Variants in MUC5AC observed in about 807,000 individuals in gnomAD.
MUC5AC encodes the protein mucin 5AC, oligomeric mucus/gel-forming.
MUC5AC carries 158 observed loss-of-function variants against 169.7 expected under a neutral mutation model. The observed-to-expected ratio is 0.93, with a 90% confidence interval of 0.82 to 1.06. The LOEUF is 1.06. Ranked by LOEUF, MUC5AC falls within the 50% of genes least tolerant of loss-of-function variation. MUC5AC has a pLI of 0.00. For missense variants in MUC5AC, 4,359 were observed against 3,089.9 expected, an observed-to-expected ratio of 1.41 and a Z score of -9.74; for synonymous variants, 1,975 against 1,237.0, an observed-to-expected ratio of 1.60 and a Z score of -12.52.
rs373899124 is a variant in MUC5AC at position 1,161,902 on chromosome 11, C to T, written c.212-5C>T. 23 of 1,610,042 alleles carry T rather than the reference C, an allele frequency of 1.4e-5. No homozygotes were observed. The highest frequency in any genetic ancestry group is 9.3e-5 in the African/African-American group (7 of 74,998). ...CCCCCAAACACCATGCTGCTTCCAC[C>T]GCAGCCTCCAACCCGGCGCACAACG... is the stretch of plus-strand genomic sequence containing the variant. On this transcript the variant is annotated splice_polypyrimidine_tract_variant and splice_region_variant and intron_variant, in intron 3 of 48. Coordinates refer to ENST00000621226, the MANE Select transcript of MUC5AC (RefSeq NM_001304359.2).
In MUC5AC at chr11:1,169,894, C is replaced by T. The variant is rs1246519361; in HGVS notation, c.1870+868C>T. ...CTCACCCACTCACTCACCCACTCACCGACTCAACCATTCACTCACCCATTC... is the reference window on the plus strand; with the variant it reads ...CTCACCCACTCACTCACCCACTCACTGACTCAACCATTCACTCACCCATTC... On this transcript the variant is annotated intron_variant, in intron 15 of 48. Coordinates refer to ENST00000621226, the MANE Select transcript of MUC5AC (RefSeq NM_001304359.2). 2.2e-4 allele frequency among the ~76,000 whole-genome samples: 28 copies of T among 124,518 alleles called. 1 individual carries two copies. The East Asian group carries it at 7.3e-3, about 33-fold the overall frequency. The allele number at this position is 124,518 out of a possible 152,430, so 81.7% of individuals were successfully genotyped here.
rs757532921 is a variant in MUC5AC, at chr11:1,200,595, C to T, written c.16858C>T (p.Pro5620Ser). ...EECGCMGRRC[P>S]APGDTQHSEE... is the part of the protein sequence containing the mutation. ...GTGCGGCTGCATGGGCCGGCGGTGCCCTGCGCCGGGCGACACCCAGCACTC... is the reference window on the plus strand; with the variant it reads ...GTGCGGCTGCATGGGCCGGCGGTGCTCTGCGCCGGGCGACACCCAGCACTC... The change falls in exon 49 of 49, where the codon CCT becomes TCT. Residue 5620 changes from proline (P) to serine (S), a missense_variant. Coordinates refer to ENST00000621226, the MANE Select transcript of MUC5AC (RefSeq NM_001304359.2). 1.3e-6 allele frequency: 1 copy of T among 764,506 alleles called. No individual in the cohort carries two copies. The highest frequency in any genetic ancestry group is 1.7e-5 in the Admixed American group (1 of 58,990). The allele number at this position is 764,506 out of a possible 1,614,324, so 47.4% of individuals were successfully genotyped here.
rs1433275325 is a variant in MUC5AC, at chr11:1,184,545, G to A, written c.6400G>A (p.Gly2134Arg). The change falls in exon 31 of 49, where the codon GGA becomes AGA. Residue 2134 changes from glycine to arginine, a missense_variant. Transcript: ENST00000621226. ...TWFDVDFPSP[G>R]PHGGDKETYN... is the part of the protein sequence containing the mutation. The stretch of plus-strand genomic sequence containing the variant: ...GTTCGACGTGGACTTCCCGTCCCCC[G>A]GACCCCATGGTGGAGACAAGGAAAC... 3.3e-5 allele frequency: 21 copies of A among 645,174 alleles called. No individual in the cohort carries two copies. Among genetic ancestry groups the A allele is most frequent in the African/African-American group, 1.1e-4 (6 of 55,140 alleles). The allele number at this position is 645,174 out of a possible 1,614,324, so 40.0% of individuals were successfully genotyped here. A position where few individuals can be genotyped will look rare whatever the true frequency, so the allele number is the denominator to read the frequency against.
At position 1,192,802 on chromosome 11, in the gene MUC5AC, C is replaced by T. The variant is rs753858333; in HGVS notation, c.14400C>T (p.His4800=). 1.3e-6 allele frequency: 1 copy of T among 761,610 alleles called. No individual in the cohort carries two copies. Among genetic ancestry groups the T allele is most frequent in the South Asian group, 1.3e-5 (1 of 74,538 alleles). 47.2% of individuals were successfully genotyped at this position (761,610 alleles called of 1,614,324 possible). A position where few individuals can be genotyped will look rare whatever the true frequency, so the allele number is the denominator to read the frequency against. Residue 4800 remains histidine (H), a synonymous_variant, in exon 32 of 49, where the codon CAC becomes CAT. Transcript: ENST00000621226. ...LYPAGSTIYR[H]RDLAGHCYYA... ...TTACAGGATCCACCATATACCGCCA[C>T]AGAGACCTCGCTGGCCATTGCTATT... is the stretch of plus-strand genomic sequence containing the variant.
Position 1,190,361 on chromosome 11 carries a change from G to A in MUC5AC, c.12216G>A (p.Gly4072=), listed in dbSNP as rs1202882967. The change falls in exon 31 of 49, where the codon GGG becomes GGA. Residue 4072 remains glycine (G), a synonymous_variant. Coordinates refer to ENST00000621226, the MANE Select transcript of MUC5AC (RefSeq NM_001304359.2). ...TPVTAPSTPS[G]RATSPTQSTS... is the part of the protein sequence containing the mutation. ...TGACAGCTCCTAGCACCCCTAGTGGGAGAGCCACCAGCCCAACTCAGAGCA... is the reference window on the plus strand; with the variant it reads ...TGACAGCTCCTAGCACCCCTAGTGGAAGAGCCACCAGCCCAACTCAGAGCA... 1.5e-6 allele frequency: 1 copy of A among 653,420 alleles called. No individual in the cohort carries two copies. The highest frequency in any genetic ancestry group is 2.8e-6 in the Non-Finnish European group (1 of 361,508). 40.5% of individuals were successfully genotyped at this position (653,420 alleles called of 1,614,324 possible).
chr11:1,176,624 C>A lies in MUC5AC; in HGVS notation c.2613C>A (p.Ser871Arg). Residue 871 changes from serine to arginine, a missense_variant, in exon 21 of 49, where the codon AGC becomes AGA. By Grantham distance (110) the Ser-to-Arg change is moderately radical. Transcript: ENST00000621226. ...GCCCCTGCGTGCACAATGAGGCCAG[C>A]TACCGGGCCGGCCAGACCATCCGGG... ...EDCPCVHNEA[S>R]YRAGQTIRVG... 1 of 398,816 alleles carries A rather than the reference C, an allele frequency of 2.5e-6. No individual in the cohort carries two copies. The highest frequency in any genetic ancestry group is 4.4e-6 in the Non-Finnish European group (1 of 226,136). 24.7% of individuals were successfully genotyped at this position (398,816 alleles called of 1,614,324 possible). A position where few individuals can be genotyped will look rare whatever the true frequency, so the allele number is the denominator to read the frequency against.
intron 10 of MUC5AC, 24 bp downstream of exon 10, chr11:1,165,443 C>T (rs751488604): frequency 8.0e-5 from 111 of 1,385,850 alleles, no homozygotes; most frequent in African/African-American, 1.9e-4. Flanking sequence ...CCCCTCCAGG[C>T]CACCAAGGAT....
intron 19 of MUC5AC, among the ~76,000 whole-genome samples, chr11:1,175,488 T>C (rs1210072969): frequency 2.4e-4 from 24 of 99,784 alleles, no homozygotes; most frequent in African/African-American, 2.9e-4. Flanking sequence ...CTCATGCACA[T>C]GCTCACACAC....
Position 1,180,349 on chromosome 11 carries a change from C to T in MUC5AC, c.3614-5C>T, listed in dbSNP as rs1860787982. On this transcript the variant is annotated splice_polypyrimidine_tract_variant and splice_region_variant and intron_variant, in intron 27 of 48. Transcript: ENST00000621226. ...GGTTGTGACTCTGGCCTCTTTGGCC[C>T]ACAGGCTGCTACCCCAAGTGCCCAC... 2.5e-6 allele frequency: 1 copy of T among 398,716 alleles called. No individual in the cohort carries two copies. The highest frequency in any genetic ancestry group is 3.6e-5 in the East Asian group (1 of 28,084). The allele number at this position is 398,716 out of a possible 1,614,324, so 24.7% of individuals were successfully genotyped here.
At chr11:1,176,840 T>G (rs1193125064) in intron 21 of MUC5AC, 88 bp from the exon 22 acceptor site, 4 of 398,512 alleles carry the variant, frequency 1.0e-5, no homozygotes, top group Admixed American at 4.4e-5. Flanking sequence ...GTGTCTATGG[T>G]GCCAGGTCCC....
Position 1,195,282 on chromosome 11 carries a change from G to A in MUC5AC, c.15458+3G>A, listed in dbSNP as rs1861241351. The A allele has an allele frequency of 1.3e-6, 1 of 760,162 alleles. No individual in the cohort carries two copies. Among genetic ancestry groups the A allele is most frequent in the Non-Finnish European group, 2.4e-6 (1 of 413,812 alleles). 47.1% of individuals were successfully genotyped at this position (760,162 alleles called of 1,614,324 possible). ...ATCTGCCAGCTGATTCTGAGCAAGT[G>A]AGACTTGGGTGCAAGGGAGGGAGGG... On this transcript the variant is annotated splice_donor_region_variant and intron_variant, in intron 36 of 48. Coordinates refer to ENST00000621226, the MANE Select transcript of MUC5AC (RefSeq NM_001304359.2).
rs1456780827 is a variant in MUC5AC, at chr11:1,190,500, CCCAGCACAACCTCTGCCCCTACAA to C, written c.12387_12410del (p.Thr4135_Thr4142del). On this transcript the variant is annotated inframe_deletion, in exon 31 of 49. Transcript: ENST00000621226. The stretch of plus-strand genomic sequence containing the variant: ...AACCAGCACAATCCCTGCTTCTACA[CCCAGCACAACCTCTGCCCCTACAA>C]CCAGCACAACCTCTGCCCCTACAAC... The C allele has an allele frequency of 0.14, 99,550 of 691,562 alleles. 1,303 individuals carry two copies. The highest frequency in any genetic ancestry group is 0.18 in the Non-Finnish European group (66,834 of 380,260). 42.8% of individuals were successfully genotyped at this position (691,562 alleles called of 1,614,324 possible). A position where few individuals can be genotyped will look rare whatever the true frequency, so the allele number is the denominator to read the frequency against.
chr11:1,199,676 C>A lies in MUC5AC; in HGVS notation c.16516-19C>A. 1 of 704,694 alleles carries A rather than the reference C, an allele frequency of 1.4e-6. No homozygotes were observed. Among genetic ancestry groups the A allele is most frequent in the Non-Finnish European group, 2.6e-6 (1 of 386,468 alleles). 43.7% of individuals were successfully genotyped at this position (704,694 alleles called of 1,614,324 possible). ...CCGCCGAGCGCCTCGGCACTGAGGG[C>A]GCCCCTCTGTCGGCACAGGACGAGG... On this transcript the variant is annotated intron_variant, in intron 46 of 48. Coordinates refer to ENST00000621226, the MANE Select transcript of MUC5AC (RefSeq NM_001304359.2).
In MUC5AC at chr11:1,198,309, A is replaced by T. The variant is rs1205736285; in HGVS notation, c.16173+4A>T. On this transcript the variant is annotated splice_donor_region_variant and intron_variant, in intron 43 of 48. Transcript: ENST00000621226. ...CATCAACGGGACCCTGTACCAGGTAAGAGCCACGGAGCTCAGACCCCCTCA... is the reference window on the plus strand; with the variant it reads ...CATCAACGGGACCCTGTACCAGGTATGAGCCACGGAGCTCAGACCCCCTCA... 2 of 749,392 alleles carry T rather than the reference A, an allele frequency of 2.7e-6. No individual in the cohort carries two copies. Among genetic ancestry groups the T allele is most frequent in the Admixed American group, 1.8e-5 (1 of 56,832 alleles). 46.4% of individuals were successfully genotyped at this position (749,392 alleles called of 1,614,324 possible).
rs980612524 is a variant in MUC5AC, at chr11:1,196,157, G to T, written c.15637+103G>T. The T allele has an allele frequency of 1.3e-5, 8 of 628,224 alleles. No individual in the cohort carries two copies. In the African/African-American group the frequency reaches 1.5e-4, roughly 11 times the overall value. The allele number at this position is 628,224 out of a possible 1,614,324, so 38.9% of individuals were successfully genotyped here. A position where few individuals can be genotyped will look rare whatever the true frequency, so the allele number is the denominator to read the frequency against. On this transcript the variant is annotated intron_variant, in intron 37 of 48. Transcript: ENST00000621226. Reference sequence around the variant, plus strand: ...GCTCGGGCAGTCAGGGGGGGACCTGGAGGAGGAGGGGGCAGCCCCAGGGCA... The same window carrying T: ...GCTCGGGCAGTCAGGGGGGGACCTGTAGGAGGAGGGGGCAGCCCCAGGGCA...
In MUC5AC at chr11:1,201,095, T is replaced by G; in HGVS notation, c.*393T>G. ...CCTCAGCCTGCGCTCCCCTCCTCAG[T>G]ACACGGCCAATCTGTTGCATAAATA... On this transcript the variant is annotated 3_prime_UTR_variant, in exon 49 of 49. Coordinates refer to ENST00000621226, the MANE Select transcript of MUC5AC (RefSeq NM_001304359.2). 5.3e-6 allele frequency: 1 copy of G among 189,232 alleles called. No homozygotes were observed. The highest frequency in any genetic ancestry group is 1.1e-5 in the Non-Finnish European group (1 of 92,596). 11.7% of individuals were successfully genotyped at this position (189,232 alleles called of 1,614,324 possible). A position where few individuals can be genotyped will look rare whatever the true frequency, so the allele number is the denominator to read the frequency against.
At position 1,187,586 on chromosome 11, in the gene MUC5AC, C is replaced by T. The variant is rs1473639837; in HGVS notation, c.9441C>T (p.Ser3147=). 2 of 759,044 alleles carry T rather than the reference C, an allele frequency of 2.6e-6. No individual in the cohort carries two copies. Among genetic ancestry groups the T allele is most frequent in the Admixed American group, 3.5e-5 (2 of 57,672 alleles). The allele number at this position is 759,044 out of a possible 1,614,324, so 47.0% of individuals were successfully genotyped here. Residue 3147 remains serine, a synonymous_variant, in exon 31 of 49, where the codon AGC becomes AGT. Coordinates refer to ENST00000621226, the MANE Select transcript of MUC5AC (RefSeq NM_001304359.2). ...TTSTTSASTA[S]KTSGPGTTPS... ...GCACAACTTCTGCCTCTACAGCCAG[C>T]AAAACCTCTGGTCCTGGAACCACTC...
chr11:1,181,694 A>G (rs1408751928), intron 30 of MUC5AC, among the ~76,000 whole-genome samples: 1 of 152,144 alleles, frequency 6.6e-6, no homozygotes, highest in African/African-American at 2.4e-5. Flanking sequence ...CCTGGCGTCC[A>G]AGTCCTGCCC....
Position 1,200,543 on chromosome 11 carries a change from G to A in MUC5AC, c.16806G>A (p.Arg5602=). The A allele has an allele frequency of 1.3e-6, 1 of 764,110 alleles. No individual in the cohort carries two copies. Among genetic ancestry groups the A allele is most frequent in the Non-Finnish European group, 2.4e-6 (1 of 417,414 alleles). 47.3% of individuals were successfully genotyped at this position (764,110 alleles called of 1,614,324 possible). The change falls in exon 49 of 49, where the codon CGG becomes CGA. Residue 5602 remains arginine (R), a synonymous_variant. Coordinates refer to ENST00000621226, the MANE Select transcript of MUC5AC (RefSeq NM_001304359.2). The part of the protein sequence containing the change: ...VTLHCTDGSS[R]AFSYTEVEEC... Reference sequence around the variant, plus strand: ...TGCACTGCACCGACGGCTCCAGCCGGGCCTTCAGCTACACCGAGGTGGAAG... The same window carrying A: ...TGCACTGCACCGACGGCTCCAGCCGAGCCTTCAGCTACACCGAGGTGGAAG...
Sources: gnomAD v4.1 joint callset for allele counts (sites outside exome capture counted in the v4.1 genomes callset) on GRCh38, gnomAD v4.1.1 for gene constraint, MANE v1.5 for transcripts, NCBI Gene and HGNC (gene_info 2026-07-23, HGNC 2026-07-21) for gene names.